HMGCL: variants seen among roughly 807,000 people sequenced by gnomAD.
HMGCL encodes the protein hydroxymethylglutaryl-CoA lyase, mitochondrial.
Under a neutral mutation model 37.3 loss-of-function variants are expected in HMGCL, and 26 were observed. That is an observed-to-expected ratio of 0.70 (90% CI 0.51 to 0.97). The LOEUF is 0.97. Ranked by LOEUF, HMGCL falls within the 50% of genes least tolerant of loss-of-function variation. The pLI, the probability that HMGCL is intolerant of heterozygous loss-of-function variation, is 0.00. For synonymous variants in HMGCL, 151 were observed against 148.0 expected, an observed-to-expected ratio of 1.02 and a Z score of -0.15; for missense variants, 379 against 398.1, an observed-to-expected ratio of 0.95 and a Z score of 0.41.
rs777343689 is a variant in HMGCL, at chr1:23,820,482, T to TC, written c.144+27_144+28insG. The TC allele has an allele frequency of 1.9e-6, 3 of 1,540,146 alleles. No individual in the cohort carries two copies. The Admixed American group carries it at 5.0e-5, about 26-fold the overall frequency. ...ACTCAAAGCAGATGCTTGAAAAAAC[T>TC]GTTTTTTTGGCTCATTTCCAACTTT... On this transcript the variant is annotated intron_variant, in intron 2 of 8. Transcript: ENST00000374490.
chr1:23,804,667 A>G, intron 7 of HMGCL, 142 bp from the exon 8 acceptor site: 1 of 897,034 alleles, frequency 1.1e-6, no homozygotes, highest in Non-Finnish European at 1.8e-6. Flanking sequence ...TTGACATGAC[A>G]ATCCCACAGA....
chr1:23,815,190 G>C (rs1314842014), intron 4 of HMGCL, among the ~76,000 whole-genome samples: 1 of 152,038 alleles, frequency 6.6e-6, no homozygotes, highest in Non-Finnish European at 1.5e-5. Flanking sequence ...CTGGGCGACA[G>C]AGCAAGACTC....
intron 3 of HMGCL, among the ~76,000 whole-genome samples, 182 bp from the exon 4 acceptor site, chr1:23,816,952 C>T (rs1325124828): frequency 2.0e-5 from 3 of 152,108 alleles, no homozygotes; most frequent in African/African-American, 7.2e-5. Flanking sequence ...TCAGAAGGGC[C>T]CTTGGTTTGG....
At position 23,810,741 on chromosome 1, in the gene HMGCL, C is replaced by T. The variant is rs1489976213; in HGVS notation, c.556G>A (p.Ala186Thr). The T allele has an allele frequency of 7.4e-6, 12 of 1,613,898 alleles. No homozygotes were observed. In the East Asian group the frequency reaches 2.4e-4, roughly 33 times the overall value. The change falls in exon 6 of 9, where the codon GCT (alanine) becomes ACT (threonine). Residue 186 changes from alanine (A) to threonine (T), a missense_variant. Transcript: ENST00000374490. ...GCCCTGACACATGCACACACCTCAG[C>T]TACTTTAGCTGGGGAGATCTTCCCT... ...YEGKISPAKVAEVTKKFYSMG... is the reference protein window; with the variant it reads ...YEGKISPAKVTEVTKKFYSMG...
rs1638285754 is a variant in HMGCL at position 23,802,033 on chromosome 1, C to CTT, written c.*429_*430insAA. On this transcript the variant is annotated 3_prime_UTR_variant, in exon 9 of 9. Coordinates refer to ENST00000374490, the MANE Select transcript of HMGCL (RefSeq NM_000191.3). ...ATGGCCTCTGCCAGCTTGGGAAGAA[C>CTT]CTCCATGACCTGTGTCCTGAGAAGT... The CTT allele has an allele frequency of 2.3e-6, 1 of 427,874 alleles. No individual in the cohort carries two copies. Among genetic ancestry groups the CTT allele is most frequent in the Non-Finnish European group, 4.1e-6 (1 of 241,654 alleles). 26.5% of individuals were successfully genotyped at this position (427,874 alleles called of 1,614,324 possible).
chr1:23,810,841 T>C, intron 5 of HMGCL, 42 bp from the exon 6 acceptor site: 1 of 1,555,956 alleles, frequency 6.4e-7, no homozygotes, highest in Non-Finnish European at 8.9e-7. Context: ...TGTCCTGAGC[T>C]TTTTGGCTAG....
intron 8 of HMGCL, 43 bp from the exon 9 acceptor site, chr1:23,802,607 C>G (rs756653429): frequency 8.2e-7 from 1 of 1,217,816 alleles, no homozygotes; most frequent in East Asian, 2.3e-5. Flanking sequence ...CATGGTATGC[C>G]CTCAACACCA....
Position 23,814,282 on chromosome 1 carries a change from G to A in HMGCL, c.405C>T (p.Thr135=). 1 of 1,613,802 alleles carries A rather than the reference G, an allele frequency of 6.2e-7. No homozygotes were observed. The highest frequency in any genetic ancestry group is 8.5e-7 in the Non-Finnish European group (1 of 1,179,904). The change falls in exon 5 of 9, where the codon ACC becomes ACT. Residue 135 remains threonine, a synonymous_variant. Coordinates refer to ENST00000374490, the MANE Select transcript of HMGCL (RefSeq NM_000191.3). ...CTATGGAACAATTGATGTTCTTCTT[G>A]GTGAAGAGCTCTGAGGCAGCTCCAA... ...VIFGAASELF[T]KKNINCSIEE... is the part of the protein sequence containing the mutation.
chr1:23,818,255 T>C (rs1638650635), intron 2 of HMGCL, among the ~76,000 whole-genome samples: 1 of 152,108 alleles, frequency 6.6e-6, no homozygotes, highest in African/African-American at 2.4e-5. Flanking sequence ...GCTTAGGAGT[T>C]TGAGACCAGC....
chr1:23,817,583 T>G lies in HMGCL; in HGVS notation c.145A>C (p.Asn49His). 6.3e-7 allele frequency: 1 copy of G among 1,586,490 alleles called. No homozygotes were observed. ...ATTTTCACTGGAGTAGATACGATAT[T>G]CTATAGTGGAGAGAGAAACACCAAG... ...GPRDGLQNEK[N>H]IVSTPVKIKL... Residue 49 changes from asparagine (N) to histidine (H), a missense_variant and splice_region_variant, in exon 3 of 9, where the codon AAT becomes CAT. Transcript: ENST00000374490.
rs114665713 is a variant in HMGCL at position 23,810,961 on chromosome 1, C to G, written c.498-162G>C. On this transcript the variant is annotated intron_variant, in intron 5 of 8. Transcript: ENST00000374490. Reference sequence around the variant, plus strand: ...GGTACAATTCAGTGCCAGGAGGAGGCAGTAGAGAGCAATGGCAGGGAACTG... The same window carrying G: ...GGTACAATTCAGTGCCAGGAGGAGGGAGTAGAGAGCAATGGCAGGGAACTG... 6.7e-3 allele frequency among the ~76,000 whole-genome samples: 1,021 copies of G among 152,194 alleles called. 8 individuals are homozygous for G. Among genetic ancestry groups the G allele is most frequent in the African/African-American group, 0.023 (944 of 41,522 alleles).
intron 7 of HMGCL, among the ~76,000 whole-genome samples, chr1:23,805,935 C>G (rs888971964): frequency 9.9e-5 from 15 of 152,028 alleles, no homozygotes; most frequent in Admixed American, 2.6e-4. Flanking sequence ...TACACAGCAC[C>G]CAGAGGAGCC....
At chr1:23,816,579 A>T in intron 4 of HMGCL, 96 bp downstream of exon 4, 1 of 823,074 alleles carries the variant, frequency 1.2e-6, no homozygotes, top group Non-Finnish European at 2.2e-6. Flanking sequence ...ATTCAGATGG[A>T]CATCCCAGGA....
intron 5 of HMGCL, among the ~76,000 whole-genome samples, chr1:23,811,888 AAAT>A (rs1273713758): frequency 3.9e-5 from 6 of 152,242 alleles, no homozygotes; most frequent in Non-Finnish European, 5.9e-5. Flanking sequence ...TTCAACAGAT[AAAT>A]AATTTCAGAC....
At chr1:23,821,176 G>A (rs1164860505) in intron 1 of HMGCL, among the ~76,000 whole-genome samples, 1 of 151,840 alleles carries the variant, frequency 6.6e-6, no homozygotes, top group Non-Finnish European at 1.5e-5. Flanking sequence ...CCAACATGGT[G>A]AAACCCCATC....
At chr1:23,819,734 AAC>A (rs149911009) in intron 2 of HMGCL, among the ~76,000 whole-genome samples, 200 of 151,550 alleles carry the variant, frequency 1.3e-3, no homozygotes, top group South Asian at 6.9e-3. Context: ...ATCTCCCAAA[AAC>A]ACACACACAC....
At position 23,806,417 on chromosome 1, in the gene HMGCL, C is replaced by T. The variant is rs971833176; in HGVS notation, c.750+1718G>A. 2.6e-5 allele frequency among the ~76,000 whole-genome samples: 4 copies of T among 152,214 alleles called. No individual in the cohort carries two copies. Among genetic ancestry groups the T allele is most frequent in the African/African-American group, 7.2e-5 (3 of 41,452 alleles). On this transcript the variant is annotated intron_variant, in intron 7 of 8. Coordinates refer to ENST00000374490, the MANE Select transcript of HMGCL (RefSeq NM_000191.3). The surrounding 1 kb of genome is among the most constrained non-coding windows in gnomAD (Gnocchi z 4.0). The stretch of plus-strand genomic sequence containing the variant: ...CTCTGCCCCCCTCTCCTCAGTCACA[C>T]TGCTCCCGCCACATGCCTCCTCCTG...
At chr1:23,805,323 T>C (rs1200373699) in intron 7 of HMGCL, among the ~76,000 whole-genome samples, 1 of 152,152 alleles carries the variant, frequency 6.6e-6, no homozygotes, top group African/African-American at 2.4e-5. Flanking sequence ...GCCTGCGATC[T>C]CTCCCATCTT....
At chr1:23,811,858 A>G (rs1036563243) in intron 5 of HMGCL, among the ~76,000 whole-genome samples, 14 of 152,242 alleles carry the variant, frequency 9.2e-5, no homozygotes, top group African/African-American at 3.4e-4. Flanking sequence ...AATTCTGCAT[A>G]TTAAGAGGCA....
Sources: gnomAD v4.1 joint callset for allele counts (sites outside exome capture counted in the v4.1 genomes callset) on GRCh38, gnomAD v4.1.1 for gene constraint, Gnocchi (gnomAD v3.1) non-coding constraint, MANE v1.5 for transcripts, NCBI Gene and HGNC (gene_info 2026-07-23, HGNC 2026-07-21) for gene names.